FNIP1: variants seen among roughly 807,000 people sequenced by gnomAD.
FNIP1 encodes folliculin interacting protein 1.
FNIP1 carries 40 observed loss-of-function variants against 124.5 expected under a neutral mutation model. That is an observed-to-expected ratio of 0.32 (90% CI 0.25 to 0.42). FNIP1 has a LOEUF of 0.42. FNIP1 is among the 10% of genes least tolerant of loss of function. FNIP1 has a pLI of 1.00. For synonymous variants in FNIP1, 472 were observed against 470.6 expected (o/e 1.00, Z -0.04); for missense variants, 1,176 against 1,403.7 (o/e 0.84, Z 2.59).
At chr5:131,686,595 T>C (rs1472218507) in intron 11 of FNIP1, among the ~76,000 whole-genome samples, 1 of 152,216 alleles carries the variant, frequency 6.6e-6, no homozygotes, top group African/African-American at 2.4e-5. Flanking sequence ...ATATAAATTA[T>C]GGGGTACAAT....
chr5:131,779,895 A>C (rs1561704313), intron 1 of FNIP1, among the ~76,000 whole-genome samples: 1 of 151,630 alleles, frequency 6.6e-6, no homozygotes, highest in African/African-American at 2.4e-5. Flanking sequence ...TTTGTTAGAA[A>C]TTTTTTTTAA....
chr5:131,763,983 TG>T (rs1771333401), intron 1 of FNIP1, among the ~76,000 whole-genome samples: 1 of 152,116 alleles, frequency 6.6e-6, no homozygotes, highest in Admixed American at 6.5e-5. Flanking sequence ...ATGATGGGGA[TG>T]AGTTTCTCAT....
At chr5:131,687,290 G>A (rs568685438) in intron 11 of FNIP1, among the ~76,000 whole-genome samples, 7 of 151,884 alleles carry the variant, frequency 4.6e-5, no homozygotes, top group African/African-American at 1.4e-4. Flanking sequence ...ATTGTTTGTA[G>A]AGACAGAGTT....
At chr5:131,768,421 C>CAATAG (rs1429574096) in intron 1 of FNIP1, among the ~76,000 whole-genome samples, 1 of 150,604 alleles carries the variant, frequency 6.6e-6, no homozygotes, top group East Asian at 1.9e-4. Flanking sequence ...TGAGCTAAAA[C>CAATAG]AATAGAGACC....
intron 1 of FNIP1, among the ~76,000 whole-genome samples, chr5:131,752,941 G>A (rs753320902): frequency 6.6e-6 from 1 of 152,080 alleles, no homozygotes; most frequent in Non-Finnish European, 1.5e-5. Flanking sequence ...GTGTGGTGGT[G>A]CATGCCTGTA....
intron 1 of FNIP1, among the ~76,000 whole-genome samples, chr5:131,777,445 A>G (rs1771848647): frequency 6.6e-6 from 1 of 152,154 alleles, no homozygotes; most frequent in South Asian, 2.1e-4. Flanking sequence ...TTGGAATAAC[A>G]CACGGTGCCC....
intron 11 of FNIP1, among the ~76,000 whole-genome samples, chr5:131,688,700 A>G (rs1236380703): frequency 9.1e-6 from 1 of 109,730 alleles, no homozygotes; most frequent in Non-Finnish European, 2.1e-5. Flanking sequence ...AATGCTAGCA[A>G]TTAAAAAAAA....
intron 15 of FNIP1, among the ~76,000 whole-genome samples, chr5:131,653,962 G>A (rs1489817941): frequency 1.3e-5 from 2 of 152,236 alleles, no homozygotes; most frequent in African/African-American, 2.4e-5. Flanking sequence ...GGCTGGTCTC[G>A]AACTCCTGAC....
chr5:131,664,466 T>C (rs931236163), intron 15 of FNIP1, among the ~76,000 whole-genome samples: 29 of 151,782 alleles, frequency 1.9e-4, no homozygotes, highest in African/African-American at 7.0e-4. Flanking sequence ...CGAGACCCCA[T>C]CTTCACAAAA....
chr5:131,688,702 T>TAAA (rs61408307), intron 11 of FNIP1, among the ~76,000 whole-genome samples: 2 of 130,256 alleles, frequency 1.5e-5, no homozygotes, highest in Non-Finnish European at 3.2e-5. Context: ...TGCTAGCAAT[T>TAAA]AAAAAAAAAA....
intron 15 of FNIP1, among the ~76,000 whole-genome samples, chr5:131,655,559 T>C (rs781402711): frequency 6.6e-6 from 1 of 152,132 alleles, no homozygotes; most frequent in African/African-American, 2.4e-5. Flanking sequence ...ACTATAATAG[T>C]TTTGTAGCTA....
At chr5:131,741,484 C>T (rs1263885814) in intron 2 of FNIP1, among the ~76,000 whole-genome samples, 1 of 152,136 alleles carries the variant, frequency 6.6e-6, no homozygotes, top group African/African-American at 2.4e-5. Flanking sequence ...TCTCCCAAAA[C>T]CCATTAAATA....
At chr5:131,647,235 T>G in intron 16 of FNIP1, 30 bp from the exon 17 acceptor site, 1 of 1,561,170 alleles carries the variant, frequency 6.4e-7, no homozygotes, top group East Asian at 2.2e-5. Flanking sequence ...AAGAACCAGG[T>G]CAGAAAACAG....
At chr5:131,779,016 G>A (rs1437200719) in intron 1 of FNIP1, among the ~76,000 whole-genome samples, 2 of 106,370 alleles carry the variant, frequency 1.9e-5, no homozygotes, top group Non-Finnish European at 3.8e-5. Context: ...GGAGGGGGGA[G>A]GGATAGCATT....
rs772272100 is a variant in FNIP1, at chr5:131,679,014, T to C, written c.1349+15A>G. The C allele has an allele frequency of 6.4e-6, 10 of 1,568,606 alleles. No homozygotes were observed. In the South Asian group the frequency reaches 7.0e-5, roughly 11 times the overall value. On this transcript the variant is annotated intron_variant, in intron 12 of 17. Transcript: ENST00000510461. Reference sequence around the variant, plus strand: ...TTACAATCTAGATATCTAGTTATAATAAATAAATTCATACTGATTTTTGGA... The same window carrying C: ...TTACAATCTAGATATCTAGTTATAACAAATAAATTCATACTGATTTTTGGA...
intron 16 of FNIP1, among the ~76,000 whole-genome samples, chr5:131,647,865 T>C (rs1401548604): frequency 6.6e-6 from 1 of 152,162 alleles, no homozygotes; most frequent in Non-Finnish European, 1.5e-5. Flanking sequence ...CAAAACTTTT[T>C]TCACTATGTT....
At chr5:131,742,751 T>C (rs1465380506) in intron 2 of FNIP1, among the ~76,000 whole-genome samples, 4 of 152,240 alleles carry the variant, frequency 2.6e-5, no homozygotes, top group Admixed American at 6.5e-5. Flanking sequence ...AATTATAATG[T>C]AGAAAGTTTA....
At chr5:131,711,750 C>T (rs563020443) in intron 6 of FNIP1, among the ~76,000 whole-genome samples, 1 of 152,194 alleles carries the variant, frequency 6.6e-6, no homozygotes, top group South Asian at 2.1e-4. Flanking sequence ...CCTGCTTTGG[C>T]CTCCTAAAGT....
chr5:131,671,496 C>G lies in FNIP1; in HGVS notation c.2939+9G>C, dbSNP rs1239433137. 3 of 1,597,154 alleles carry G rather than the reference C, an allele frequency of 1.9e-6. No homozygotes were observed. The highest frequency in any genetic ancestry group is 1.7e-6 in the Non-Finnish European group (2 of 1,175,164). ...TAGGGCCCATTATAGGTGAAAACTT[C>G]CTACTTACCCAGGAAAAGGTATCTC... is the stretch of plus-strand genomic sequence containing the variant. On this transcript the variant is annotated intron_variant, in intron 14 of 17. Coordinates refer to ENST00000510461, the MANE Select transcript of FNIP1 (RefSeq NM_133372.3).
Sources: allele counts gnomAD v4.1 joint callset (sites outside exome capture counted in the v4.1 genomes callset), GRCh38; gene constraint gnomAD v4.1.1; transcripts MANE v1.5; gene names NCBI Gene and HGNC (gene_info 2026-07-23, HGNC 2026-07-21).